Variants in STX16 observed in about 807,000 individuals in gnomAD.
STX16 encodes the protein syntaxin 16.
In STX16, 28 loss-of-function variants were observed where a neutral mutation model predicts 42.7. The observed-to-expected ratio is 0.66, with a 90% CI of 0.49 to 0.90. The LOEUF is 0.90. Ranked by LOEUF, STX16 falls within the 40% of genes least tolerant of loss-of-function variation. The pLI, the probability that STX16 is intolerant of heterozygous loss-of-function variation, is 0.00. For synonymous variants in STX16, 156 were observed against 155.2 expected (o/e 1.00, Z -0.04); for missense variants, 361 against 420.9 (o/e 0.86, Z 1.24).
At chr20:58,670,331 G>T (rs1045249880) in intron 5 of STX16, among the ~76,000 whole-genome samples, 181 bp from the exon 6 acceptor site, 1 of 152,178 alleles carries the variant, frequency 6.6e-6, no homozygotes, top group Admixed American at 6.5e-5. Flanking sequence ...CCTGCATATT[G>T]TTGTATGTTT....
rs2123035598 is a variant in STX16 at position 58,677,276 on chromosome 20, G to A, written c.*985G>A. The stretch of plus-strand genomic sequence containing the variant: ...ATTTTAAATGGGTCACCCCATTTAG[G>A]ATTAGTGGATCTCAAATTATTAACC... On this transcript the variant is annotated 3_prime_UTR_variant, in exon 9 of 9. Transcript: ENST00000371141. The A allele has an allele frequency of 6.5e-6, 1 of 152,734 alleles. No individual in the cohort carries two copies. Among genetic ancestry groups the A allele is most frequent in the East Asian group, 1.9e-4 (1 of 5,190 alleles). The allele number at this position is 152,734 out of a possible 1,614,324, so 9.5% of individuals were successfully genotyped here. A position where few individuals can be genotyped will look rare whatever the true frequency, so the allele number is the denominator to read the frequency against.
At chr20:58,655,814 T>C (rs2083573153) in intron 1 of STX16, among the ~76,000 whole-genome samples, 1 of 152,238 alleles carries the variant, frequency 6.6e-6, no homozygotes, top group Admixed American at 6.5e-5. Context: ...TGTTTAGTTT[T>C]TCTGTATCCT....
At chr20:58,666,504 C>T (rs1186307910) in intron 2 of STX16, among the ~76,000 whole-genome samples, 1 of 147,162 alleles carries the variant, frequency 6.8e-6, no homozygotes, top group African/African-American at 2.5e-5. Flanking sequence ...TCATGGCTCA[C>T]TGCGACCTTC....
In STX16 at chr20:58,652,088, G is replaced by A. The variant is rs2083469857; in HGVS notation, c.82G>A (p.Val28Met). The A allele has an allele frequency of 6.2e-7, 1 of 1,614,244 alleles. No individual in the cohort carries two copies. The highest frequency in any genetic ancestry group is 8.5e-7 in the Non-Finnish European group (1 of 1,180,048). Residue 28 changes from valine to methionine, a missense_variant, in exon 1 of 9, where the codon GTG becomes ATG. Val to Met is a conservative substitution (Grantham distance 21). Coordinates refer to ENST00000371141, the MANE Select transcript of STX16 (RefSeq NM_001001433.3). ...AAACCGGCAGCTGTTAGCCGAGCAA[G>A]TGAGTAGTCACATCACCTCCAGCCC... Reference protein sequence around the residue: ...IQNRQLLAEQVSSHITSSPLH... With the variant: ...IQNRQLLAEQMSSHITSSPLH...
At position 58,651,819 on chromosome 20, in the gene STX16, GT is replaced by G; in HGVS notation, c.-186del. ...GTCAGACAATTGGAAAGCCTAGGTA[GT>G]TATTTGGGGAGGGGTCTCTACGCCT... On this transcript the variant is annotated 5_prime_UTR_variant, in exon 1 of 9. Coordinates refer to ENST00000371141, the MANE Select transcript of STX16 (RefSeq NM_001001433.3). 1 of 598,724 alleles carries G rather than the reference GT, an allele frequency of 1.7e-6. No individual in the cohort carries two copies. The highest frequency in any genetic ancestry group is 3.0e-6 in the Non-Finnish European group (1 of 338,934). The allele number at this position is 598,724 out of a possible 1,614,324, so 37.1% of individuals were successfully genotyped here.
At chr20:58,671,460 GTGTGTGTGTGTGTA>G (rs1263508332) in intron 7 of STX16, among the ~76,000 whole-genome samples, 163 bp downstream of exon 7, 15 of 124,122 alleles carry the variant, frequency 1.2e-4, no homozygotes, top group African/African-American at 4.8e-4. Flanking sequence ...GTGTGTGTGT[GTGTGTGTGTGTGTA>G]TATTAATATT....
intron 2 of STX16, among the ~76,000 whole-genome samples, chr20:58,661,177 C>T (rs906162085): frequency 4.6e-5 from 7 of 152,036 alleles, no homozygotes; most frequent in African/African-American, 1.2e-4. Flanking sequence ...GTATAGGATG[C>T]GAGGGAGGGT....
In STX16 at chr20:58,651,724, G is replaced by A. The variant is rs945781959; in HGVS notation, c.-283G>A. 8.9e-6 allele frequency: 3 copies of A among 338,916 alleles called. No individual in the cohort carries two copies. The highest frequency in any genetic ancestry group is 6.4e-5 in the East Asian group (1 of 15,546). The allele number at this position is 338,916 out of a possible 1,614,324, so 21.0% of individuals were successfully genotyped here. A position where few individuals can be genotyped will look rare whatever the true frequency, so the allele number is the denominator to read the frequency against. ...TGGATTGGGGTGGGGTCTCTGGGAC[G>A]TTGGATCGCTACGCAAGGATTGGGG... is the stretch of plus-strand genomic sequence containing the variant. On this transcript the variant is annotated 5_prime_UTR_variant, in exon 1 of 9. Coordinates refer to ENST00000371141, the MANE Select transcript of STX16 (RefSeq NM_001001433.3).
At position 58,677,775 on chromosome 20, in the gene STX16, C is replaced by G. The variant is rs549819822; in HGVS notation, c.*1484C>G. On this transcript the variant is annotated 3_prime_UTR_variant, in exon 9 of 9. Transcript: ENST00000371141. ...TGTTTACAGAAATTTAAACTCAATT[C>G]CAGAGATTGAAGTTGTCCAAACAGC... is the stretch of plus-strand genomic sequence containing the variant. 6.6e-6 allele frequency: 1 copy of G among 152,298 alleles called. No individual in the cohort carries two copies. The highest frequency in any genetic ancestry group is 6.5e-5 in the Admixed American group (1 of 15,306). 9.4% of individuals were successfully genotyped at this position (152,298 alleles called of 1,614,324 possible).
Position 58,651,787 on chromosome 20 carries a change from A to C in STX16, c.-220A>C. On this transcript the variant is annotated 5_prime_UTR_variant, in exon 1 of 9. Transcript: ENST00000371141. ...TTAGAGATCGAAGTCTGCCCTGGGT[A>C]GGGGGAGTCAGACAATTGGAAAGCC... The C allele has an allele frequency of 3.9e-6, 2 of 514,080 alleles. No individual in the cohort carries two copies. The highest frequency in any genetic ancestry group is 3.5e-6 in the Non-Finnish European group (1 of 283,742). The allele number at this position is 514,080 out of a possible 1,614,324, so 31.8% of individuals were successfully genotyped here. A position where few individuals can be genotyped will look rare whatever the true frequency, so the allele number is the denominator to read the frequency against.
chr20:58,666,709 G>A (rs1302486376), intron 2 of STX16, among the ~76,000 whole-genome samples: 8 of 152,132 alleles, frequency 5.3e-5, no homozygotes, highest in Admixed American at 4.6e-4. Context: ...GATTACAGGC[G>A]TGAGCCACCG....
chr20:58,654,652 G>A (rs939204510), intron 1 of STX16, among the ~76,000 whole-genome samples: 17 of 152,242 alleles, frequency 1.1e-4, no homozygotes, highest in African/African-American at 2.9e-4. Context: ...CCTTGTTTCT[G>A]ACTTGTAAAT....
chr20:58,676,177 CTT>C lies in STX16; in HGVS notation c.874-6_874-5del. On this transcript the variant is annotated splice_region_variant and splice_polypyrimidine_tract_variant and intron_variant, in intron 8 of 8. Transcript: ENST00000371141. ...AAAATGACGGCCTTTTTTCCCTCCT[CTT>C]TTTGTAGGCAGAACAGTATCAAAAG... The C allele has an allele frequency of 6.2e-7, 1 of 1,611,642 alleles. No individual in the cohort carries two copies. The highest frequency in any genetic ancestry group is 8.5e-7 in the Non-Finnish European group (1 of 1,178,718).
At chr20:58,665,871 C>T (rs1274863704) in intron 2 of STX16, among the ~76,000 whole-genome samples, 2 of 152,308 alleles carry the variant, frequency 1.3e-5, no homozygotes, top group South Asian at 2.1e-4. Flanking sequence ...TGAGTGGACA[C>T]GTGCCCCAGA....
At position 58,670,580 on chromosome 20, in the gene STX16, G is replaced by A; in HGVS notation, c.625G>A (p.Asp209Asn). 1 of 1,614,124 alleles carries A rather than the reference G, an allele frequency of 6.2e-7. No homozygotes were observed. The highest frequency in any genetic ancestry group is 8.5e-7 in the Non-Finnish European group (1 of 1,179,970). The part of the protein sequence containing the change: ...DTSVPLMDDG[D>N]DNTLYHRGFT... ...ATCAGTACCACTAATGGATGATGGA[G>A]ACGATAACACTCTTTACCATCGGGT... The change falls in exon 6 of 9, where the codon GAC (aspartate) becomes AAC (asparagine). Residue 209 changes from aspartate (D) to asparagine (N), a missense_variant. Asp to Asn is a conservative substitution (Grantham distance 23). Transcript: ENST00000371141.
At chr20:58,663,235 T>A (rs1397789058) in intron 2 of STX16, among the ~76,000 whole-genome samples, 1 of 152,234 alleles carries the variant, frequency 6.6e-6, no homozygotes, top group African/African-American at 2.4e-5. Context: ...CACAGAGGCT[T>A]TGCTATTTCT....
At chr20:58,668,211 C>A in intron 4 of STX16, 84 bp downstream of exon 4, 1 of 1,521,596 alleles carries the variant, frequency 6.6e-7, no homozygotes, top group South Asian at 1.3e-5. Flanking sequence ...CAGAATCAGT[C>A]TCCTGGAGTC....
At chr20:58,658,706 G>T (rs952667449) in intron 1 of STX16, among the ~76,000 whole-genome samples, 5 of 151,884 alleles carry the variant, frequency 3.3e-5, no homozygotes, top group Admixed American at 3.3e-4. Context: ...ACAAAAAAAA[G>T]ACCTAGTTGT....
chr20:58,670,296 C>T (rs1216831285), intron 5 of STX16, among the ~76,000 whole-genome samples: 2 of 152,188 alleles, frequency 1.3e-5, no homozygotes, highest in African/African-American at 4.8e-5. Context: ...TACACTGTGA[C>T]TTTTGTCTTG....
Sources: allele counts gnomAD v4.1 joint callset (sites outside exome capture counted in the v4.1 genomes callset), GRCh38; gene constraint gnomAD v4.1.1; transcripts MANE v1.5; gene names NCBI Gene and HGNC (gene_info 2026-07-23, HGNC 2026-07-21).